The following ROBO1 variants were observed in gnomAD, a reference collection of about 807,000 sequenced individuals.
ROBO1 encodes roundabout guidance receptor 1, also known as roundabout homolog 1.
In ROBO1, 149 loss-of-function variants were observed where a neutral mutation model predicts 195.9. The observed-to-expected ratio is 0.76, with a 90% CI of 0.67 to 0.87. ROBO1 has a LOEUF of 0.87. Among genes scored for constraint, ROBO1 ranks in the 40% least tolerant of loss-of-function variants. The pLI, the probability that ROBO1 is intolerant of heterozygous loss-of-function variation, is 0.00. For synonymous variants in ROBO1, 816 were observed against 733.2 expected, an observed-to-expected ratio of 1.11 and a Z score of -1.82; for missense variants, 1,933 against 2,068.3, an observed-to-expected ratio of 0.93 and a Z score of 1.27.
At chr3:78,877,556 GTC>G (rs987911851) in intron 4 of ROBO1, among the ~76,000 whole-genome samples, 30 of 152,092 alleles carry the variant, frequency 2.0e-4, no homozygotes, top group African/African-American at 7.0e-4. Flanking sequence ...AGAAAAATAA[GTC>G]TGGTATATTT....
intron 3 of ROBO1, among the ~76,000 whole-genome samples, chr3:79,120,057 C>T (rs1323507553): frequency 6.6e-6 from 1 of 152,166 alleles, no homozygotes; most frequent in East Asian, 1.9e-4. Flanking sequence ...CAGGTGTGAG[C>T]CACCATGCCC....
chr3:78,653,350 A>C (rs1364443433), intron 18 of ROBO1, among the ~76,000 whole-genome samples: 1 of 152,038 alleles, frequency 6.6e-6, no homozygotes, highest in Non-Finnish European at 1.5e-5. Context: ...CAGTGACCCC[A>C]CACCCCTCAT....
chr3:78,669,019 AG>A lies in ROBO1; in HGVS notation c.1549-455del, dbSNP rs539906199. On this transcript the variant is annotated intron_variant, in intron 11 of 30. Transcript: ENST00000464233. ...ATGGATATATGAGATCAACAGAAAA[AG>A]GATAGGCATCATAGAATTTTTTTCT... 1.8e-3 allele frequency among the ~76,000 whole-genome samples: 268 copies of A among 152,326 alleles called. 1 individual carries two copies. Among genetic ancestry groups the A allele is most frequent in the African/African-American group, 6.3e-3 (261 of 41,568 alleles).
chr3:79,212,129 C>T (rs1394281436), intron 2 of ROBO1, among the ~76,000 whole-genome samples: 1 of 152,174 alleles, frequency 6.6e-6, no homozygotes, highest in Non-Finnish European at 1.5e-5. Context: ...GCAGTTTTCC[C>T]GCCCTGGGTG....
chr3:78,785,206 C>A (rs2083795004), intron 4 of ROBO1, among the ~76,000 whole-genome samples: 1 of 152,212 alleles, frequency 6.6e-6, no homozygotes, highest in South Asian at 2.1e-4. Flanking sequence ...GAACACATTG[C>A]AGTGAACTCA....
At position 78,598,437 on chromosome 3, in the gene ROBO1, G is replaced by A. The variant is rs1359260702; in HGVS notation, c.*476C>T. 1 of 152,866 alleles carries A rather than the reference G, an allele frequency of 6.5e-6. No individual in the cohort carries two copies. The highest frequency in any genetic ancestry group is 2.4e-5 in the African/African-American group (1 of 41,454). The allele number at this position is 152,866 out of a possible 1,614,324, so 9.5% of individuals were successfully genotyped here. On this transcript the variant is annotated 3_prime_UTR_variant, in exon 31 of 31. Coordinates refer to ENST00000464233, the MANE Select transcript of ROBO1 (RefSeq NM_002941.4). ...ACTGATTTTGAAATCATGTTAAAAT[G>A]AAATATGTTTTAATTTGCATTAGCA...
At chr3:79,158,676 CA>C (rs1339297484) in intron 2 of ROBO1, among the ~76,000 whole-genome samples, 1 of 151,766 alleles carries the variant, frequency 6.6e-6, no homozygotes, top group Non-Finnish European at 1.5e-5. Flanking sequence ...CCTGTCCCAA[CA>C]TTATGTGACA....
chr3:79,406,233 A>G (rs957738319), intron 2 of ROBO1, among the ~76,000 whole-genome samples: 1 of 146,878 alleles, frequency 6.8e-6, no homozygotes, highest in African/African-American at 2.5e-5. Flanking sequence ...CTGGGAACAT[A>G]GTGGAACCCA....
intron 2 of ROBO1, among the ~76,000 whole-genome samples, chr3:79,214,190 A>T: frequency 6.6e-6 from 1 of 152,028 alleles, no homozygotes; most frequent in East Asian, 1.9e-4. Flanking sequence ...ATGGTAGAAA[A>T]TTCTTGATTC....
intron 1 of ROBO1, among the ~76,000 whole-genome samples, chr3:79,755,124 T>A (rs571614480): frequency 6.6e-6 from 1 of 152,186 alleles, no homozygotes; most frequent in East Asian, 1.9e-4. Flanking sequence ...AGGTGATCCA[T>A]CTGCCTCTGC....
At chr3:79,094,213 C>T (rs1332383727) in intron 3 of ROBO1, among the ~76,000 whole-genome samples, 1 of 151,818 alleles carries the variant, frequency 6.6e-6, no homozygotes, top group Non-Finnish European at 1.5e-5. Flanking sequence ...GCAGTATGAC[C>T]GAACATCTTC....
intron 2 of ROBO1, among the ~76,000 whole-genome samples, chr3:79,401,459 T>C (rs976685252): frequency 4.6e-5 from 7 of 151,892 alleles, no homozygotes; most frequent in Non-Finnish European, 1.0e-4. Flanking sequence ...TCATGAATAA[T>C]ATTTAATAAT....
At chr3:78,865,836 A>G (rs2035142687) in intron 4 of ROBO1, among the ~76,000 whole-genome samples, 1 of 152,144 alleles carries the variant, frequency 6.6e-6, no homozygotes, top group Admixed American at 6.5e-5. Flanking sequence ...ATACATTTAC[A>G]GCTCATTAGA....
chr3:78,738,792 AT>A (rs920664651), intron 5 of ROBO1, among the ~76,000 whole-genome samples: 7 of 152,232 alleles, frequency 4.6e-5, no homozygotes, highest in Middle Eastern at 3.4e-3. Flanking sequence ...GATGCTGTAA[AT>A]TTTTTTTCTA....
At position 78,631,173 on chromosome 3, in the gene ROBO1, G is replaced by T. The variant is rs1373507647; in HGVS notation, c.3614C>A (p.Ser1205Tyr). Residue 1205 changes from serine to tyrosine, a missense_variant, in exon 25 of 31, where the codon TCT becomes TAT. Coordinates refer to ENST00000464233, the MANE Select transcript of ROBO1 (RefSeq NM_002941.4). ...PHSNSEEYNI[S>Y]VDESYDQEMP... ...ATGCTCCTCTTACCTTTCATCTACA[G>T]AAATGTTGTACTCTTCGCTATTGCT... is the stretch of plus-strand genomic sequence containing the variant. 1.9e-6 allele frequency: 3 copies of T among 1,611,482 alleles called. No homozygotes were observed. Among genetic ancestry groups the T allele is most frequent in the Non-Finnish European group, 2.5e-6 (3 of 1,178,786 alleles).
chr3:79,496,589 T>C (rs1249773717), intron 2 of ROBO1, among the ~76,000 whole-genome samples: 14 of 149,624 alleles, frequency 9.4e-5, no homozygotes, highest in Non-Finnish European at 8.9e-5. Context: ...GGGTTTCACC[T>C]TGTTAGCCAG....
chr3:78,871,354 C>T (rs1224172217), intron 4 of ROBO1, among the ~76,000 whole-genome samples: 1 of 152,142 alleles, frequency 6.6e-6, no homozygotes, highest in Non-Finnish European at 1.5e-5. Flanking sequence ...TTAGAATACA[C>T]TGAGCTTTAG....
intron 4 of ROBO1, among the ~76,000 whole-genome samples, chr3:78,818,519 G>C (rs1171414544): frequency 1.3e-5 from 2 of 152,214 alleles, no homozygotes; most frequent in Admixed American, 1.3e-4. Context: ...CCCAGCAGGG[G>C]ACTAATGCAC....
intron 4 of ROBO1, among the ~76,000 whole-genome samples, chr3:78,778,232 T>C (rs2083564470): frequency 6.6e-6 from 1 of 152,176 alleles, no homozygotes; most frequent in African/African-American, 2.4e-5. Context: ...TGGATTGGGT[T>C]TGCCAGTATT....
Sources: gnomAD v4.1 joint callset for allele counts (sites outside exome capture counted in the v4.1 genomes callset) on GRCh38, gnomAD v4.1.1 for gene constraint, MANE v1.5 for transcripts, NCBI Gene and HGNC (gene_info 2026-07-23, HGNC 2026-07-21) for gene names.